The following ZNF225 variants were observed in gnomAD, a reference collection of about 807,000 sequenced individuals.
ZNF225 encodes the protein zinc finger protein 225.
A neutral mutation model predicts 12.0 loss-of-function variants in ZNF225; 6 were observed. That is an observed-to-expected ratio of 0.50 (90% confidence interval 0.27 to 0.98). ZNF225 has a LOEUF of 0.98. ZNF225 is among the 50% of genes least tolerant of loss of function. The pLI, the probability that ZNF225 is intolerant of heterozygous loss-of-function variation, is 0.11. For synonymous variants in ZNF225, 271 were observed against 283.2 expected, an observed-to-expected ratio of 0.96 and a Z score of 0.43; for missense variants, 763 against 848.2, an observed-to-expected ratio of 0.90 and a Z score of 1.25.
Position 44,131,218 on chromosome 19 carries a change from AAACTCTAT to A in ZNF225, c.607_614del (p.Tyr204Ter). ...TCATCAGAGAGTTCACATGGGGGAG[AAACTCTAT>A]AATTGTGATGTGTGTGGTAAGGAAT... On this transcript the variant is annotated frameshift_variant, in exon 5 of 5. Coordinates refer to ENST00000262894, the MANE Select transcript of ZNF225 (RefSeq NM_013362.4). LOFTEE classifies it low-confidence loss of function (END_TRUNC). The A allele has an allele frequency of 6.2e-7, 1 of 1,614,198 alleles. No individual in the cohort carries two copies. The highest frequency in any genetic ancestry group is 1.6e-4 in the Middle Eastern group (1 of 6,062).
chr19:44,130,818 T>A (rs752958745), intron 4 of ZNF225, 32 bp from the exon 5 acceptor site: 1 of 1,562,206 alleles, frequency 6.4e-7, no homozygotes, highest in South Asian at 1.2e-5. Flanking sequence ...AAGCTTTACT[T>A]GCCCACATCT....
rs1568543115 is a variant in ZNF225, at chr19:44,132,078, A to G, written c.1464A>G (p.Glu488=). The G allele has an allele frequency of 6.2e-7, 1 of 1,613,582 alleles. No homozygotes were observed. The highest frequency in any genetic ancestry group is 1.3e-5 in the African/African-American group (1 of 74,740). The change falls in exon 5 of 5, where the codon GAA becomes GAG. Residue 488 remains glutamate (E), a synonymous_variant. Coordinates refer to ENST00000262894, the MANE Select transcript of ZNF225 (RefSeq NM_013362.4). ...GAGAAAAACCATTTAAATGTGAAGA[A>G]TGTGGGAAAAGATTTACTCAGAATT... ...HSGEKPFKCE[E]CGKRFTQNSQ... is the part of the protein sequence containing the mutation.
At chr19:44,118,430 AT>A in intron 3 of ZNF225, 51 bp from the exon 4 acceptor site, 2 of 1,611,582 alleles carry the variant, frequency 1.2e-6, no homozygotes, top group Non-Finnish European at 1.7e-6. Context: ...TTTTACTTAG[AT>A]TTTTTTCTAG....
At position 44,118,495 on chromosome 19, in the gene ZNF225, C is replaced by T; in HGVS notation, c.156C>T (p.Leu52=). ...RNLLSVGHQS[L]HRDTFHFLKE... The stretch of plus-strand genomic sequence containing the variant: ...TCACGTTCACAGGGCATCAATCACT[C>T]CACAGAGATACTTTCCACTTCCTAA... The change falls in exon 4 of 5, where the codon CTC becomes CTT. Residue 52 remains leucine (L), a synonymous_variant. Coordinates refer to ENST00000262894, the MANE Select transcript of ZNF225 (RefSeq NM_013362.4). 4 of 1,613,670 alleles carry T rather than the reference C, an allele frequency of 2.5e-6. No individual in the cohort carries two copies. Among genetic ancestry groups the T allele is most frequent in the Non-Finnish European group, 3.4e-6 (4 of 1,179,732 alleles).
At position 44,134,754 on chromosome 19, in the gene ZNF225, T is replaced by A. The variant is rs1968358437; in HGVS notation, c.*2019T>A. Reference sequence around the variant, plus strand: ...TAACATGTGGGACTGATTGTGTTTCTTGTTAATATTTCTGTTTCTCCCAAC... The same window carrying A: ...TAACATGTGGGACTGATTGTGTTTCATGTTAATATTTCTGTTTCTCCCAAC... On this transcript the variant is annotated 3_prime_UTR_variant, in exon 5 of 5. Coordinates refer to ENST00000262894, the MANE Select transcript of ZNF225 (RefSeq NM_013362.4). 6.6e-6 allele frequency: 1 copy of A among 152,266 alleles called. No individual in the cohort carries two copies. The highest frequency in any genetic ancestry group is 1.5e-5 in the Non-Finnish European group (1 of 68,056). The allele number at this position is 152,266 out of a possible 1,614,324, so 9.4% of individuals were successfully genotyped here. A position where few individuals can be genotyped will look rare whatever the true frequency, so the allele number is the denominator to read the frequency against.
chr19:44,126,010 T>A (rs1968139978), intron 4 of ZNF225, among the ~76,000 whole-genome samples: 2 of 152,310 alleles, frequency 1.3e-5, no homozygotes, highest in South Asian at 4.1e-4. Flanking sequence ...ATTAGCTTAA[T>A]AACTAACCTC....
Position 44,134,339 on chromosome 19 carries a change from C to T in ZNF225, c.*1604C>T, listed in dbSNP as rs1196692188. 6.6e-6 allele frequency: 1 copy of T among 152,094 alleles called. No homozygotes were observed. Among genetic ancestry groups the T allele is most frequent in the Non-Finnish European group, 1.5e-5 (1 of 68,024 alleles). The allele number at this position is 152,094 out of a possible 1,614,324, so 9.4% of individuals were successfully genotyped here. A position where few individuals can be genotyped will look rare whatever the true frequency, so the allele number is the denominator to read the frequency against. Reference sequence around the variant, plus strand: ...TGGTACATATCAAGATTCTAGACTCCAAGAAGGGGAGCAAGTGTTCAGAAT... The same window carrying T: ...TGGTACATATCAAGATTCTAGACTCTAAGAAGGGGAGCAAGTGTTCAGAAT... On this transcript the variant is annotated 3_prime_UTR_variant, in exon 5 of 5. Coordinates refer to ENST00000262894, the MANE Select transcript of ZNF225 (RefSeq NM_013362.4).
At chr19:44,114,221 A>T (rs1282391144) in intron 1 of ZNF225, 3 of 1,005,108 alleles carry the variant, frequency 3.0e-6, no homozygotes, top group Non-Finnish European at 4.7e-6. Context: ...TACGTGAGTG[A>T]TCCTTGGCTT....
At chr19:44,118,960 A>G (rs542512594) in intron 4 of ZNF225, among the ~76,000 whole-genome samples, 4,528 of 151,686 alleles carry the variant, frequency 0.03, 228 homozygotes, top group African/African-American at 0.1. Context: ...GGGAATACAG[A>G]TGCCCGCCAC....
intron 1 of ZNF225, among the ~76,000 whole-genome samples, chr19:44,114,869 T>C (rs1227489420): frequency 6.6e-6 from 1 of 152,222 alleles, no homozygotes. Context: ...TGTCACTTCA[T>C]TGGTGATCTC....
At position 44,132,211 on chromosome 19, in the gene ZNF225, G is replaced by A. The variant is rs772899590; in HGVS notation, c.1597G>A (p.Val533Ile). 30 of 1,613,956 alleles carry A rather than the reference G, an allele frequency of 1.9e-5. No individual in the cohort carries two copies. The highest frequency in any genetic ancestry group is 1.8e-4 in the Admixed American group (11 of 59,992). ...QNSQLYSHRR[V>I]HTGVKPYKCE... Reference sequence around the variant, plus strand: ...TTCACAACTTTATTCTCATCGCAGAGTCCACACTGGAGTAAAGCCATACAA... The same window carrying A: ...TTCACAACTTTATTCTCATCGCAGAATCCACACTGGAGTAAAGCCATACAA... Residue 533 changes from valine (V) to isoleucine (I), a missense_variant, in exon 5 of 5, where the codon GTC becomes ATC. By Grantham distance (29) the Val-to-Ile change is conservative. Transcript: ENST00000262894.
chr19:44,128,623 T>C (rs1479657518), intron 4 of ZNF225: 1 of 159,150 alleles, frequency 6.3e-6, no homozygotes, highest in Non-Finnish European at 1.4e-5. Context: ...ATTTTCAATG[T>C]TTTATGACCA....
intron 4 of ZNF225, among the ~76,000 whole-genome samples, chr19:44,120,385 G>A (rs1371159598): frequency 1.3e-5 from 2 of 152,184 alleles, no homozygotes; most frequent in Non-Finnish European, 2.9e-5. Context: ...AGAAGGTATT[G>A]TTCTGGTACA....
At chr19:44,119,152 G>A (rs923312915) in intron 4 of ZNF225, among the ~76,000 whole-genome samples, 18 of 152,104 alleles carry the variant, frequency 1.2e-4, no homozygotes, top group Admixed American at 1.0e-3. Flanking sequence ...AGTGTTTTAA[G>A]TGCCTTTTAG....
intron 4 of ZNF225, among the ~76,000 whole-genome samples, chr19:44,127,511 C>T (rs529387517): frequency 1.3e-5 from 2 of 152,234 alleles, no homozygotes; most frequent in South Asian, 2.1e-4. Context: ...CTCTGTATGC[C>T]GCACTGTCCG....
intron 4 of ZNF225, chr19:44,130,155 T>G (rs2147573913): frequency 6.6e-6 from 1 of 152,512 alleles, no homozygotes; most frequent in East Asian, 1.9e-4. Flanking sequence ...TCCCAGCACT[T>G]TGGGAGGCCA....
rs753900282 is a variant in ZNF225, at chr19:44,131,526, T to C, written c.912T>C (p.Asn304=). 11 of 1,614,158 alleles carry C rather than the reference T, an allele frequency of 6.8e-6. No homozygotes were observed. The East Asian group carries it at 1.8e-4, about 26-fold the overall frequency. Residue 304 remains asparagine (N), a synonymous_variant, in exon 5 of 5, where the codon AAT becomes AAC. Coordinates refer to ENST00000262894, the MANE Select transcript of ZNF225 (RefSeq NM_013362.4). ...GCTTCCGTAGTAGAGCAAATCTTAA[T>C]AGGCATTCCATGGTTCACATGCGAG... ...CKSFRSRANL[N]RHSMVHMREK...
chr19:44,129,175 C>T (rs879731860), intron 4 of ZNF225: 209 of 1,083,716 alleles, frequency 1.9e-4, no homozygotes, highest in Non-Finnish European at 2.4e-4. Context: ...TACAGGAATA[C>T]TCTGAAAATG....
rs1172989203 is a variant in ZNF225 at position 44,115,853 on chromosome 19, C to T, written c.15+11C>T. 1.2e-6 allele frequency: 2 copies of T among 1,611,744 alleles called. No individual in the cohort carries two copies. Among genetic ancestry groups the T allele is most frequent in the African/African-American group, 1.3e-5 (1 of 74,944 alleles). On this transcript the variant is annotated intron_variant, in intron 2 of 4. Coordinates refer to ENST00000262894, the MANE Select transcript of ZNF225 (RefSeq NM_013362.4). ...ATGACCACGTTGAAGGTGAGTAGAG[C>T]TTGCCTCTCTTGCTGTTAAAATTTC...
Sources: allele counts gnomAD v4.1 joint callset (sites outside exome capture counted in the v4.1 genomes callset), GRCh38; gene constraint gnomAD v4.1.1; transcripts MANE v1.5; gene names NCBI Gene and HGNC (gene_info 2026-07-23, HGNC 2026-07-21).